TCF20: variants seen among roughly 807,000 people sequenced by gnomAD.
TCF20 encodes SPRE-binding protein.
In TCF20, 3 loss-of-function variants were observed where a neutral mutation model predicts 148.6. The ratio of observed to expected loss-of-function variants is 0.02; its 90% CI spans 0.01 to 0.05. The LOEUF (loss-of-function observed/expected upper bound fraction) is 0.05. TCF20 is among the 10% of genes least tolerant of loss of function. The probability of loss-of-function intolerance (pLI) is 1.00; values close to 1 mark genes in which losing one functional copy is unlikely to be tolerated. For missense variants in TCF20, 2,350 were observed against 2,429.3 expected (o/e 0.97, Z 0.69); for synonymous variants, 1,049 against 909.5 (o/e 1.15, Z -2.76).
In TCF20 at chr22:42,279,644, T is replaced by G. The variant is rs1362060740; in HGVS notation, c.-37+4183A>C. Among the ~76,000 whole-genome samples, 1 of 152,182 alleles carries G rather than the reference T, an allele frequency of 6.6e-6. No homozygotes were observed. The highest frequency in any genetic ancestry group is 1.5e-5 in the Non-Finnish European group (1 of 68,028). On this transcript the variant is annotated intron_variant, in intron 1 of 5. Coordinates refer to the TCF20 transcript ENST00000359486. This position sits in a 1 kb window ranked among gnomAD's most constrained non-coding sequence, Gnocchi z 4.3. ...CGCTTCTCAGTGCCACAAGTGCTGT[T>G]GCCATCATTCCAGCCTCAGGTGCTC...
At chr22:42,185,681 C>T (rs1222913434) in intron 2 of TCF20, among the ~76,000 whole-genome samples, 4 of 152,194 alleles carry the variant, frequency 2.6e-5, no homozygotes, top group Admixed American at 1.3e-4. Flanking sequence ...ACTCTGCATC[C>T]TATCAAGCTT....
At chr22:42,176,846 GGGAAA>G (rs1404574778) in intron 3 of TCF20, among the ~76,000 whole-genome samples, 10 of 152,234 alleles carry the variant, frequency 6.6e-5, no homozygotes, top group Non-Finnish European at 5.9e-5. Context: ...GGCCAGGAAG[GGGAAA>G]GGAAAGGAAG....
At chr22:42,270,179 A>T (rs1011660915) in intron 1 of TCF20, among the ~76,000 whole-genome samples, 160 bp downstream of exon 1, 1 of 151,122 alleles carries the variant, frequency 6.6e-6, no homozygotes, top group African/African-American at 2.4e-5. Context: ...CACTCCCCTC[A>T]GCACCCCAAG....
chr22:42,181,312 T>C (rs562292494), intron 2 of TCF20, among the ~76,000 whole-genome samples: 139 of 152,252 alleles, frequency 9.1e-4, no homozygotes, highest in African/African-American at 3.2e-3. Flanking sequence ...GCCTCCTGAG[T>C]AGCTGGGATT....
At position 42,242,227 on chromosome 22, in the gene TCF20, A is replaced by AAAAT. The variant is rs1491280192; in HGVS notation, c.-36-26887_-36-26886insATTT. The stretch of plus-strand genomic sequence containing the variant: ...CAAAAAAAAAAAAAAAAAAAAAAAA[A>AAAAT]CAGAAAAGAAAGGGTGACTACAAGG... On this transcript the variant is annotated intron_variant, in intron 1 of 5. Transcript: ENST00000677622. 3.1e-3 allele frequency among the ~76,000 whole-genome samples: 377 copies of AAAAT among 122,732 alleles called. 29 individuals carry two copies. Among genetic ancestry groups the AAAAT allele is most frequent in the Middle Eastern group, 0.013 (3 of 230 alleles). The allele number at this position is 122,732 out of a possible 152,430, so 80.5% of individuals were successfully genotyped here. A position where few individuals can be genotyped will look rare whatever the true frequency, so the allele number is the denominator to read the frequency against.
intron 3 of TCF20, among the ~76,000 whole-genome samples, chr22:42,170,308 G>C (rs5758623): frequency 0.36 from 54,157 of 149,842 alleles, 11,641 homozygotes; most frequent in Admixed American, 0.49. Flanking sequence ...GACCAGCTTG[G>C]GCAACACAGT....
At chr22:42,236,969 G>T (rs1278105662) in intron 1 of TCF20, among the ~76,000 whole-genome samples, 1 of 152,120 alleles carries the variant, frequency 6.6e-6, no homozygotes, top group Non-Finnish European at 1.5e-5. Flanking sequence ...TGCTGACGGA[G>T]GGTCTTGCCT....
intron 1 of TCF20, among the ~76,000 whole-genome samples, chr22:42,262,658 T>C (rs918989318): frequency 3.3e-5 from 5 of 150,948 alleles, no homozygotes; most frequent in African/African-American, 7.3e-5. Flanking sequence ...ACTGAAAAAA[T>C]AGGGTCTGGA....
intron 1 of TCF20, among the ~76,000 whole-genome samples, chr22:42,232,805 G>GA (rs373162435): frequency 0.48 from 62,426 of 131,280 alleles, 14,388 homozygotes; most frequent in South Asian, 0.59. Context: ...TCTCCAAAAA[G>GA]AAAAAAAAAA....
chr22:42,262,395 CTGATT>C (rs1354970596), intron 1 of TCF20, among the ~76,000 whole-genome samples: 2 of 152,080 alleles, frequency 1.3e-5, no homozygotes, highest in Admixed American at 1.3e-4. Flanking sequence ...AAGGAGGAAT[CTGATT>C]TGAGAAACCG....
At chr22:42,244,236 C>CA (rs1231859187) in intron 1 of TCF20, among the ~76,000 whole-genome samples, 1 of 152,098 alleles carries the variant, frequency 6.6e-6, no homozygotes, top group African/African-American at 2.4e-5. Flanking sequence ...GGTGGTTCTT[C>CA]AAAAAGTTGA....
chr22:42,300,186 G>A (rs894509099), intron 1 of TCF20, among the ~76,000 whole-genome samples: 1 of 152,066 alleles, frequency 6.6e-6, no homozygotes, highest in African/African-American at 2.4e-5. Flanking sequence ...GGTAAGGGGA[G>A]GCAGGTTTTG....
intron 3 of TCF20, among the ~76,000 whole-genome samples, chr22:42,175,364 CAG>C (rs1290477433): frequency 2.6e-5 from 4 of 152,074 alleles, no homozygotes; most frequent in African/African-American, 9.7e-5. Context: ...TCTTTTGAGA[CAG>C]AGTCTCGCTC....
intron 5 of TCF20, among the ~76,000 whole-genome samples, chr22:42,164,280 T>C (rs990871849): frequency 2.0e-5 from 3 of 147,342 alleles, no homozygotes; most frequent in Non-Finnish European, 3.0e-5. Flanking sequence ...AGTGGCACGA[T>C]CTCAGCTCAC....
intron 1 of TCF20, among the ~76,000 whole-genome samples, chr22:42,278,018 C>G (rs1926818249): frequency 6.6e-6 from 1 of 152,252 alleles, no homozygotes; most frequent in Non-Finnish European, 1.5e-5. Context: ...TGCGAAGGAG[C>G]AGGGCTGCCT....
intron 1 of TCF20, among the ~76,000 whole-genome samples, chr22:42,301,713 G>A (rs1927339484): frequency 6.6e-6 from 1 of 152,222 alleles, no homozygotes; most frequent in African/African-American, 2.4e-5. Flanking sequence ...GCAGGCTGGG[G>A]AGACCTGGCT....
chr22:42,319,779 C>T (rs943382856), intron 1 of TCF20, among the ~76,000 whole-genome samples: 3 of 152,182 alleles, frequency 2.0e-5, no homozygotes, highest in African/African-American at 4.8e-5. Flanking sequence ...ATGAACTCCA[C>T]GGTGGACAGG....
Position 42,211,641 on chromosome 22 carries a change from C to T in TCF20, c.3665G>A (p.Gly1222Glu). The T allele has an allele frequency of 1.2e-6, 2 of 1,614,212 alleles. No homozygotes were observed. Among genetic ancestry groups the T allele is most frequent in the East Asian group, 2.2e-5 (1 of 44,888 alleles). The change falls in exon 2 of 6, where the codon GGA (glycine) becomes GAA (glutamate). Residue 1222 changes from glycine to glutamate, a missense_variant. Physicochemically the swap from Gly to Glu is moderately conservative, Grantham distance 98 (BLOSUM62 -2). This residue lies in a region of TCF20 where 1,641 missense variants were observed against 1,662.6 expected (regional missense o/e 0.99). Transcript: ENST00000677622. The part of the protein sequence containing the change: ...YGPPHETDGH[G>E]LAEATQSSKP... ...GGATGACTGTGTAGCCTCAGCTAGTCCATGTCCATCAGTCTCATGGGGCGG... is the reference window on the plus strand; with the variant it reads ...GGATGACTGTGTAGCCTCAGCTAGTTCATGTCCATCAGTCTCATGGGGCGG...
intron 1 of TCF20, among the ~76,000 whole-genome samples, chr22:42,301,761 G>C (rs1044722939): frequency 6.6e-6 from 1 of 152,238 alleles, no homozygotes; most frequent in Non-Finnish European, 1.5e-5. Flanking sequence ...GTGGGGAACA[G>C]GGGACTCCCT....
Sources: allele counts gnomAD v4.1 joint callset (sites outside exome capture counted in the v4.1 genomes callset), GRCh38; gene constraint gnomAD v4.1.1; regional missense constraint gnomAD v4.1.1; non-coding constraint Gnocchi (gnomAD v3.1); transcripts MANE v1.5; gene names NCBI Gene and HGNC (gene_info 2026-07-23, HGNC 2026-07-21).